Variants in CAMK2G observed in about 807,000 individuals in gnomAD.
The protein encoded by CAMK2G is calcium/calmodulin-dependent protein kinase type II subunit gamma.
Under a neutral mutation model 88.7 loss-of-function variants are expected in CAMK2G, and 23 were observed. The observed-to-expected ratio is 0.26, with a 90% CI of 0.19 to 0.37. CAMK2G has a LOEUF of 0.37. CAMK2G is among the 10% of genes least tolerant of loss of function. CAMK2G has a pLI of 1.00. For synonymous variants in CAMK2G, 263 were observed against 294.8 expected (o/e 0.89, Z 1.11); for missense variants, 476 against 780.8 (o/e 0.61, Z 4.65).
chr10:73,815,275 G>A, intron 21 of CAMK2G, 28 bp from the exon 22 acceptor site: 1 of 1,488,434 alleles, frequency 6.7e-7, no homozygotes, highest in Non-Finnish European at 9.4e-7. Context: ...GTAGGTAAGA[G>A]GACATCAGGC....
At chr10:73,851,843 T>A in intron 5 of CAMK2G, among the ~76,000 whole-genome samples, 1 of 151,996 alleles carries the variant, frequency 6.6e-6, no homozygotes, top group South Asian at 2.1e-4. Flanking sequence ...CTTACAGGTT[T>A]AAGTGATTCT....
intron 3 of CAMK2G, among the ~76,000 whole-genome samples, chr10:73,854,949 C>T (rs1030782372): frequency 2.6e-5 from 4 of 152,110 alleles, no homozygotes; most frequent in Non-Finnish European, 4.4e-5. Context: ...TTTCTGGGAA[C>T]GGGATCAAAG....
chr10:73,842,536 T>C lies in CAMK2G; in HGVS notation c.825A>G (p.Arg275=). 6.2e-7 allele frequency: 1 copy of C among 1,612,908 alleles called. No individual in the cohort carries two copies. Among genetic ancestry groups the C allele is most frequent in the South Asian group, 1.1e-5 (1 of 91,040 alleles). The change falls in exon 11 of 23, where the codon CGA becomes CGG. Residue 275 remains arginine (R), a synonymous_variant. Transcript: ENST00000423381. This position sits in a 1 kb window ranked among gnomAD's most constrained non-coding sequence, Gnocchi z 4.6. ...QALKHPWVCQ[R]STVASMMHRQ... ...GATGCATCATGGATGCCACCGTGGA[T>C]CGTTGCTAGAAACCAAACAGACAGG...
intron 14 of CAMK2G, among the ~76,000 whole-genome samples, chr10:73,836,374 G>A (rs1321315806): frequency 6.6e-6 from 1 of 152,106 alleles, no homozygotes; most frequent in African/African-American, 2.4e-5. Flanking sequence ...AATGCTGCGT[G>A]GACATCTGAC....
chr10:73,833,717 G>C (rs1306357872), intron 14 of CAMK2G, among the ~76,000 whole-genome samples: 1 of 150,278 alleles, frequency 6.7e-6, no homozygotes, highest in Non-Finnish European at 1.5e-5. Flanking sequence ...TCCTATCTCA[G>C]CCTCCCGAGT....
chr10:73,856,591 C>G (rs952443891), intron 3 of CAMK2G, among the ~76,000 whole-genome samples: 3 of 152,228 alleles, frequency 2.0e-5, no homozygotes, highest in Non-Finnish European at 4.4e-5. Flanking sequence ...CTGTGTCATG[C>G]TGTGAGGCAG....
At chr10:73,829,649 T>C (rs192331043) in intron 14 of CAMK2G, among the ~76,000 whole-genome samples, 25 of 149,230 alleles carry the variant, frequency 1.7e-4, no homozygotes, top group Admixed American at 2.0e-4. Context: ...ACTTCGAAAA[T>C]CATCCCTCAA....
Position 73,821,702 on chromosome 10 carries a change from G to C in CAMK2G, c.1229C>G (p.Thr410Arg). Reference protein sequence around the residue: ...KGSTESCNTTTEDEDLKAAPL... With the variant: ...KGSTESCNTTREDEDLKAAPL... ...CCTACCTTTGAGGTCCTCATCTTCT[G>C]TGGTGGTGTTGCAGCTCTCTGTGGA... The change falls in exon 18 of 23, where the codon ACA becomes AGA. Residue 410 changes from threonine to arginine, a missense_variant. Thr to Arg is a moderately conservative substitution (Grantham distance 71). This residue lies in a region of CAMK2G where 278 missense variants were observed against 366.5 expected (regional missense o/e 0.76). Transcript: ENST00000423381. The C allele has an allele frequency of 6.2e-7, 1 of 1,611,712 alleles. No individual in the cohort carries two copies. Among genetic ancestry groups the C allele is most frequent in the South Asian group, 1.1e-5 (1 of 90,528 alleles).
rs535013870 is a variant in CAMK2G at position 73,815,362 on chromosome 10, A to C, written c.1535-115T>G. ...CCAAGCAACCACTCCCAGAATCTCC[A>C]AGTACCGCCCCCCCCCACCCCCGAA... On this transcript the variant is annotated intron_variant, in intron 21 of 22. Transcript: ENST00000423381. 52 of 706,458 alleles carry C rather than the reference A, an allele frequency of 7.4e-5. 1 individual carries two copies. Among genetic ancestry groups the C allele is most frequent in the South Asian group, 2.3e-4 (13 of 56,102 alleles). The allele number at this position is 706,458 out of a possible 1,614,324, so 43.8% of individuals were successfully genotyped here.
chr10:73,847,428 T>C, intron 9 of CAMK2G, 81 bp from the exon 10 acceptor site: 1 of 1,459,630 alleles, frequency 6.9e-7, no homozygotes, highest in South Asian at 1.2e-5. Flanking sequence ...TCAACTCAAC[T>C]CCTGTAATTG....
Position 73,842,337 on chromosome 10 carries a change from A to G in CAMK2G, c.903+121T>C, listed in dbSNP as rs1249594099. On this transcript the variant is annotated intron_variant, in intron 11 of 22. Coordinates refer to ENST00000423381, the MANE Select transcript of CAMK2G (RefSeq NM_001367534.1). The surrounding 1 kb of genome is among the most constrained non-coding windows in gnomAD (Gnocchi z 4.6). ...GCCTCTGGGCCCCCTCCCCTGTGAC[A>G]TGTACAACCTTCAGAGCCCAGCTCC... is the stretch of plus-strand genomic sequence containing the variant. 6.1e-6 allele frequency: 7 copies of G among 1,141,020 alleles called. No homozygotes were observed. Among genetic ancestry groups the G allele is most frequent in the Admixed American group, 1.7e-5 (1 of 58,434 alleles). 70.7% of individuals were successfully genotyped at this position (1,141,020 alleles called of 1,614,324 possible).
intron 1 of CAMK2G, chr10:73,873,606 C>A: frequency 1.2e-6 from 1 of 838,900 alleles, no homozygotes; most frequent in Non-Finnish European, 1.4e-6. Flanking sequence ...TGCATCCCGG[C>A]TCAACTGACA....
chr10:73,870,362 A>G (rs1428025523), intron 2 of CAMK2G, among the ~76,000 whole-genome samples: 2 of 152,194 alleles, frequency 1.3e-5, no homozygotes, highest in African/African-American at 4.8e-5. Flanking sequence ...AGGCCCGCAG[A>G]CAAAGACAGT....
chr10:73,836,939 CT>C, intron 14 of CAMK2G: 1 of 160,022 alleles, frequency 6.2e-6, no homozygotes, highest in Non-Finnish European at 1.4e-5. Flanking sequence ...TGGCCTTTGC[CT>C]TTTTCTGAGG....
chr10:73,815,280 T>A, intron 21 of CAMK2G, 33 bp from the exon 22 acceptor site: 1 of 1,439,260 alleles, frequency 6.9e-7, no homozygotes, highest in South Asian at 1.2e-5. Flanking sequence ...TAAGAGGACA[T>A]CAGGCCTGGG....
intron 15 of CAMK2G, among the ~76,000 whole-genome samples, chr10:73,827,355 T>A (rs1382099949): frequency 1.3e-5 from 2 of 152,130 alleles, no homozygotes; most frequent in Admixed American, 6.5e-5. Flanking sequence ...CCTGGCTAAT[T>A]TTTTGCATTT....
chr10:73,847,115 T>C lies in CAMK2G; in HGVS notation c.819+110A>G, dbSNP rs534271486. Reference sequence around the variant, plus strand: ...AGTCCTCTGCCCGCCTGCTCAGTTATTGCTTGGGGCCCAGAATGAATCTCT... The same window carrying C: ...AGTCCTCTGCCCGCCTGCTCAGTTACTGCTTGGGGCCCAGAATGAATCTCT... On this transcript the variant is annotated intron_variant, in intron 10 of 22. Transcript: ENST00000423381. 9.4e-6 allele frequency: 11 copies of C among 1,170,838 alleles called. No homozygotes were observed. The Admixed American group carries it at 1.1e-4, about 12-fold the overall frequency. The allele number at this position is 1,170,838 out of a possible 1,614,324, so 72.5% of individuals were successfully genotyped here. A position where few individuals can be genotyped will look rare whatever the true frequency, so the allele number is the denominator to read the frequency against.
chr10:73,849,715 GAGA>G (rs1053075596), intron 5 of CAMK2G, among the ~76,000 whole-genome samples: 1 of 152,152 alleles, frequency 6.6e-6, no homozygotes, highest in Admixed American at 6.5e-5. Context: ...TTTGTTCTTG[GAGA>G]AGAAGCTTGT....
chr10:73,820,266 C>G (rs956178421), intron 18 of CAMK2G, among the ~76,000 whole-genome samples: 6 of 151,590 alleles, frequency 4.0e-5, no homozygotes, highest in African/African-American at 1.5e-4. Context: ...GGGGGTCCAG[C>G]CTGCCATGCC....
Sources: allele counts gnomAD v4.1 joint callset (sites outside exome capture counted in the v4.1 genomes callset), GRCh38; gene constraint gnomAD v4.1.1; regional missense constraint gnomAD v4.1.1; non-coding constraint Gnocchi (gnomAD v3.1); transcripts MANE v1.5; gene names NCBI Gene and HGNC (gene_info 2026-07-23, HGNC 2026-07-21).